PDZD2: variants seen among roughly 807,000 people sequenced by gnomAD.
PDZD2 encodes the protein PDZ domain containing 2.
A neutral mutation model predicts 220.7 loss-of-function variants in PDZD2; 90 were observed. The observed-to-expected ratio is 0.41, with a 90% CI of 0.34 to 0.49. The LOEUF (loss-of-function observed/expected upper bound fraction) is 0.49. Among genes scored for constraint, PDZD2 ranks in the 20% least tolerant of loss-of-function variants. PDZD2 has a pLI of 0.28. For missense variants in PDZD2, 3,174 were observed against 3,608.5 expected (o/e 0.88, Z 3.08); for synonymous variants, 1,375 against 1,450.5 (o/e 0.95, Z 1.18).
rs560988043 is a variant in PDZD2 at position 32,083,144 on chromosome 5, C to T, written c.3683-3987C>T. Among the ~76,000 whole-genome samples, 8 of 150,134 alleles carry T rather than the reference C, an allele frequency of 5.3e-5. No individual in the cohort carries two copies. In the South Asian group the frequency reaches 1.3e-3, roughly 24 times the overall value. On this transcript the variant is annotated intron_variant, in intron 19 of 24. Transcript: ENST00000438447. This position sits in a 1 kb window ranked among gnomAD's most constrained non-coding sequence, Gnocchi z 4.1. ...TGGTCTGTATCATTTGAGTCTTGTG[C>T]GTATATGGGTGTGAATAAATATATA...
intron 1 of PDZD2, among the ~76,000 whole-genome samples, chr5:31,698,669 T>C (rs1419516434): frequency 6.6e-6 from 1 of 152,130 alleles, no homozygotes; most frequent in East Asian, 1.9e-4. Context: ...TGCTAAATGT[T>C]TTACATACAT....
At chr5:31,906,263 G>A (rs1335505935) in intron 2 of PDZD2, among the ~76,000 whole-genome samples, 2 of 141,056 alleles carry the variant, frequency 1.4e-5, no homozygotes, top group Non-Finnish European at 3.1e-5. Flanking sequence ...AATGTTCGCT[G>A]ATTTTGTTGT....
At chr5:31,856,227 C>G (rs1165346980) in intron 2 of PDZD2, among the ~76,000 whole-genome samples, 2 of 152,096 alleles carry the variant, frequency 1.3e-5, no homozygotes, top group Non-Finnish European at 2.9e-5. Context: ...TGTAGGCCTC[C>G]GTGGCTCCTT....
rs879288343 is a variant in PDZD2 at position 31,975,793 on chromosome 5, C to CTTTTTTTTTTTTTTTT, written c.477-7353_477-7352insTTTTTTTTTTTTTTTT. On this transcript the variant is annotated intron_variant, in intron 2 of 24. Transcript: ENST00000438447. ...ATGAGCACACTGAAGGTATCAGTCA[C>CTTTTTTTTTTTTTTTT]TTTTTTTTTATTTATTTTTTTTTTT... Among the ~76,000 whole-genome samples the CTTTTTTTTTTTTTTTT allele has an allele frequency of 1.1e-4, 6 of 55,182 alleles. 2 individuals are homozygous for CTTTTTTTTTTTTTTTT. The highest frequency in any genetic ancestry group is 9.3e-5 in the Non-Finnish European group (3 of 32,318). The allele number at this position is 55,182 out of a possible 152,430, so 36.2% of individuals were successfully genotyped here.
intron 1 of PDZD2, among the ~76,000 whole-genome samples, chr5:31,727,265 C>T (rs1274444675): frequency 6.6e-6 from 1 of 152,180 alleles, no homozygotes; most frequent in Admixed American, 6.5e-5. Flanking sequence ...AGCTTGATGG[C>T]TGCTTGACTT....
intron 2 of PDZD2, among the ~76,000 whole-genome samples, chr5:31,919,730 A>C (rs111433689): frequency 1.4e-4 from 19 of 140,156 alleles, no homozygotes; most frequent in East Asian, 2.1e-4. Context: ...AAAAAAAAAA[A>C]GGCCAGGCAC....
chr5:31,904,746 A>G (rs1330723715), intron 2 of PDZD2, among the ~76,000 whole-genome samples: 1 of 152,074 alleles, frequency 6.6e-6, no homozygotes, highest in Non-Finnish European at 1.5e-5. Context: ...GCGCCCGGCC[A>G]ATATGTCTTT....
chr5:31,962,769 G>GA (rs932834034), intron 2 of PDZD2, among the ~76,000 whole-genome samples: 8 of 152,120 alleles, frequency 5.3e-5, no homozygotes, highest in African/African-American at 1.7e-4. Context: ...TGCCACAAGG[G>GA]AAAACTCTCT....
At chr5:32,053,744 G>A in intron 9 of PDZD2, 25 bp from the exon 10 acceptor site, 1 of 1,272,194 alleles carries the variant, frequency 7.9e-7, no homozygotes, top group Non-Finnish European at 1.2e-6. Flanking sequence ...CTGTCAACCT[G>A]GACTCTCATC....
chr5:32,062,406 T>C (rs1739771821), intron 14 of PDZD2, among the ~76,000 whole-genome samples: 1 of 151,884 alleles, frequency 6.6e-6, no homozygotes, highest in Admixed American at 6.6e-5. Flanking sequence ...TTTTTTTTTT[T>C]TTTTTGAGAC....
At chr5:31,786,987 A>C (rs924796350) in intron 1 of PDZD2, among the ~76,000 whole-genome samples, 1 of 152,222 alleles carries the variant, frequency 6.6e-6, no homozygotes, top group Non-Finnish European at 1.5e-5. Context: ...TTTTTAAAAA[A>C]AATCACTCTG....
At chr5:31,647,726 C>T (rs959852097) in intron 1 of PDZD2, among the ~76,000 whole-genome samples, 8 of 152,204 alleles carry the variant, frequency 5.3e-5, no homozygotes, top group African/African-American at 1.9e-4. Flanking sequence ...ATTACATCTG[C>T]AGAGACACTT....
At chr5:31,725,658 G>C (rs1178100958) in intron 1 of PDZD2, 2 of 1,075,152 alleles carry the variant, frequency 1.9e-6, no homozygotes, top group African/African-American at 3.1e-5. Flanking sequence ...CATATCTTGA[G>C]CCAGACTTGT....
chr5:31,671,913 C>T (rs1201235064), intron 1 of PDZD2, among the ~76,000 whole-genome samples: 1 of 152,174 alleles, frequency 6.6e-6, no homozygotes, highest in Non-Finnish European at 1.5e-5. Flanking sequence ...AGGGGTGGAG[C>T]TCTAGGACCT....
At position 32,024,703 on chromosome 5, in the gene PDZD2, A is replaced by G. The variant is rs78433679; in HGVS notation, c.1408-12528A>G. 2.7e-3 allele frequency among the ~76,000 whole-genome samples: 372 copies of G among 140,254 alleles called. 10 individuals are homozygous for G. The highest frequency in any genetic ancestry group is 3.6e-3 in the Middle Eastern group (1 of 278). 92.0% of individuals were successfully genotyped at this position (140,254 alleles called of 152,430 possible). The stretch of plus-strand genomic sequence containing the variant: ...ATCTCAAAAAAAAAAAGAAAGAAAA[A>G]AAAGAAAAGGAAAGAAAGAAACGTG... On this transcript the variant is annotated intron_variant, in intron 6 of 24. Coordinates refer to ENST00000438447, the MANE Select transcript of PDZD2 (RefSeq NM_178140.4).
At chr5:32,024,071 G>A (rs1257524388) in intron 6 of PDZD2, among the ~76,000 whole-genome samples, 1 of 152,158 alleles carries the variant, frequency 6.6e-6, no homozygotes, top group Non-Finnish European at 1.5e-5. Flanking sequence ...TGATCAAGCA[G>A]TTGTATTCTG....
chr5:31,652,196 T>C (rs887396561), intron 1 of PDZD2, among the ~76,000 whole-genome samples: 6 of 151,924 alleles, frequency 3.9e-5, no homozygotes, highest in African/African-American at 1.5e-4. Flanking sequence ...TCTTGCCATG[T>C]TACCCAGGCT....
intron 1 of PDZD2, among the ~76,000 whole-genome samples, chr5:31,703,627 A>C (rs1440935999): frequency 6.6e-6 from 1 of 152,078 alleles, no homozygotes; most frequent in African/African-American, 2.4e-5. Flanking sequence ...GTATCCCAGA[A>C]CTTTAATTAA....
Position 32,048,600 on chromosome 5 carries a change from C to T in PDZD2, c.1581C>T (p.Asp527=), listed in dbSNP as rs777442916. 7 of 1,613,772 alleles carry T rather than the reference C, an allele frequency of 4.3e-6. No homozygotes were observed. The East Asian group carries it at 8.9e-5, about 21-fold the overall frequency. Residue 527 remains aspartate (D), a synonymous_variant, in exon 8 of 25, where the codon GAC becomes GAT. Transcript: ENST00000438447. ...EYNELMVRNG[D]PRIRMLEVSR... is the part of the protein sequence containing the mutation. ...ACGAGCTGATGGTGCGGAATGGGGACCCCCGGATCCGGATGTTGGAGGTCT... is the reference window on the plus strand; with the variant it reads ...ACGAGCTGATGGTGCGGAATGGGGATCCCCGGATCCGGATGTTGGAGGTCT...
Sources: allele counts gnomAD v4.1 joint callset (sites outside exome capture counted in the v4.1 genomes callset), GRCh38; gene constraint gnomAD v4.1.1; non-coding constraint Gnocchi (gnomAD v3.1); transcripts MANE v1.5; gene names NCBI Gene and HGNC (gene_info 2026-07-23, HGNC 2026-07-21).